The following GARRE1 variants were observed in gnomAD, a reference collection of about 807,000 sequenced individuals.
GARRE1 encodes granule associated Rac and RHOG effector protein 1.
In GARRE1, 49 loss-of-function variants were observed where a neutral mutation model predicts 103.2. The observed-to-expected ratio is 0.47, with a 90% CI of 0.38 to 0.60. The LOEUF (loss-of-function observed/expected upper bound fraction) is 0.60, where lower values mean the gene tolerates loss of function less well. GARRE1 is among the 20% of genes least tolerant of loss of function. GARRE1 has a pLI of 0.00. For synonymous variants in GARRE1, 505 were observed against 532.8 expected (o/e 0.95, Z 0.72); for missense variants, 1,199 against 1,370.5 (o/e 0.87, Z 1.98).
intron 1 of GARRE1, among the ~76,000 whole-genome samples, chr19:34,299,141 G>T (rs1030088483): frequency 6.6e-6 from 1 of 152,180 alleles, no homozygotes; most frequent in Admixed American, 6.5e-5. Context: ...TGCCGTGGTG[G>T]TCCTTTACCT....
At chr19:34,348,342 G>A (rs184227858) in intron 11 of GARRE1, 36 of 260,360 alleles carry the variant, frequency 1.4e-4, no homozygotes, top group Non-Finnish European at 1.5e-4. Flanking sequence ...TGAGGTGAAG[G>A]CATGTTTCAC....
chr19:34,319,932 T>C lies in GARRE1; in HGVS notation c.521T>C (p.Val174Ala). Residue 174 changes from valine (V) to alanine (A), a missense_variant, in exon 3 of 14, where the codon GTG (valine) becomes GCG (alanine). Transcript: ENST00000299505. Reference sequence around the variant, plus strand: ...GTGTTGGGGCGATGTTTCCTGACTGTGGTGCAAGTCCATTTCCAGTTTTTG... The same window carrying C: ...GTGTTGGGGCGATGTTTCCTGACTGCGGTGCAAGTCCATTTCCAGTTTTTG... ...IEVLGRCFLTVVQVHFQFLTH... is the reference protein window; with the variant it reads ...IEVLGRCFLTAVQVHFQFLTH... 2 of 1,614,246 alleles carry C rather than the reference T, an allele frequency of 1.2e-6. No homozygotes were observed. Among genetic ancestry groups the C allele is most frequent in the Non-Finnish European group, 1.7e-6 (2 of 1,180,046 alleles).
At chr19:34,308,335 C>G (rs553320302) in intron 2 of GARRE1, among the ~76,000 whole-genome samples, 2 of 135,842 alleles carry the variant, frequency 1.5e-5, no homozygotes, top group African/African-American at 5.6e-5. Flanking sequence ...GTAAATATTT[C>G]CTAATGGTAT....
At position 34,255,208 on chromosome 19, in the gene GARRE1, G is replaced by A. The variant is rs1273046651; in HGVS notation, c.-796+594G>A. On this transcript the variant is annotated intron_variant, in intron 1 of 13. Coordinates refer to ENST00000299505, the MANE Select transcript of GARRE1 (RefSeq NM_014686.5). ...GGGAGGGTCCGCGGGGACCGGGAGG[G>A]CCGGGGCTGAGCGTGGAGGACCCGA... Among the ~76,000 whole-genome samples, 19 of 152,350 alleles carry A rather than the reference G, an allele frequency of 1.2e-4. No homozygotes were observed. The East Asian group carries it at 3.5e-3, about 28-fold the overall frequency.
At chr19:34,294,629 G>GT (rs35503573) in intron 1 of GARRE1, among the ~76,000 whole-genome samples, 97,839 of 151,818 alleles carry the variant, frequency 0.64, 32,107 homozygotes, top group Admixed American at 0.72. Flanking sequence ...TTCTATTGTT[G>GT]TTTTTTCCCT....
intron 13 of GARRE1, 126 bp from the exon 14 acceptor site, chr19:34,352,521 G>C: frequency 1.3e-6 from 1 of 744,192 alleles, no homozygotes; most frequent in Non-Finnish European, 2.3e-6. Flanking sequence ...TGTTGGACAG[G>C]GGTGTGGGAG....
At chr19:34,277,428 A>G (rs1351185203) in intron 1 of GARRE1, among the ~76,000 whole-genome samples, 1 of 152,226 alleles carries the variant, frequency 6.6e-6, no homozygotes, top group African/African-American at 2.4e-5. Context: ...TTACTTATGA[A>G]CAATACGTTT....
intron 1 of GARRE1, among the ~76,000 whole-genome samples, chr19:34,292,460 A>G (rs1005943101): frequency 2.6e-5 from 4 of 152,312 alleles, no homozygotes; most frequent in Admixed American, 2.0e-4. Context: ...TTGTTTGGAC[A>G]TATTTCTTCG....
chr19:34,293,528 T>C (rs543554923), intron 1 of GARRE1, among the ~76,000 whole-genome samples: 1 of 151,794 alleles, frequency 6.6e-6, no homozygotes, highest in African/African-American at 2.4e-5. Flanking sequence ...CCCGAGTAGC[T>C]GGGACCACAG....
At chr19:34,346,161 T>C (rs2074210046) in intron 10 of GARRE1, among the ~76,000 whole-genome samples, 1 of 152,202 alleles carries the variant, frequency 6.6e-6, no homozygotes, top group South Asian at 2.1e-4. Flanking sequence ...TAAGGATAAG[T>C]TGATAATGGG....
chr19:34,334,854 G>C (rs562073699), intron 8 of GARRE1, among the ~76,000 whole-genome samples: 178 of 152,272 alleles, frequency 1.2e-3, no homozygotes, highest in Middle Eastern at 3.4e-3. Flanking sequence ...AGGAGTTCCA[G>C]ACCAGCCTGG....
At chr19:34,273,147 A>G (rs1022093512) in intron 1 of GARRE1, among the ~76,000 whole-genome samples, 1 of 152,214 alleles carries the variant, frequency 6.6e-6, no homozygotes, top group African/African-American at 2.4e-5. Context: ...GATTGCAGTG[A>G]GCCGAGATTG....
chr19:34,279,632 T>G (rs2073838788), intron 1 of GARRE1, among the ~76,000 whole-genome samples: 1 of 152,214 alleles, frequency 6.6e-6, no homozygotes, highest in South Asian at 2.1e-4. Context: ...TCCCTAGTTG[T>G]ACTGTCTGTT....
At chr19:34,338,187 G>A (rs2074169460) in intron 8 of GARRE1, among the ~76,000 whole-genome samples, 1 of 152,174 alleles carries the variant, frequency 6.6e-6, no homozygotes. Context: ...CCCAGGATCT[G>A]GCAGACATCA....
At chr19:34,257,380 G>A (rs1429417500) in intron 1 of GARRE1, among the ~76,000 whole-genome samples, 3 of 151,796 alleles carry the variant, frequency 2.0e-5, no homozygotes, top group African/African-American at 7.3e-5. Flanking sequence ...CTCTGTCCCC[G>A]AGGCTGGAGT....
At position 34,352,981 on chromosome 19, in the gene GARRE1, T is replaced by A; in HGVS notation, c.*26T>A. The A allele has an allele frequency of 6.7e-7, 1 of 1,483,986 alleles. No individual in the cohort carries two copies. Among genetic ancestry groups the A allele is most frequent in the Non-Finnish European group, 9.0e-7 (1 of 1,110,116 alleles). 91.9% of individuals were successfully genotyped at this position (1,483,986 alleles called of 1,614,324 possible). On this transcript the variant is annotated 3_prime_UTR_variant, in exon 14 of 14. Coordinates refer to ENST00000299505, the MANE Select transcript of GARRE1 (RefSeq NM_014686.5). ...CCCCAGGCCAGCCAGCCTGCCTGCC[T>A]GCCTGCCTGCCCGCCCAGAGCTGTG...
chr19:34,349,236 GCCC>G, intron 12 of GARRE1, 83 bp downstream of exon 12: 1 of 1,411,434 alleles, frequency 7.1e-7, no homozygotes, highest in South Asian at 1.2e-5. Context: ...AAAGCCAGGA[GCCC>G]AGTCACCTCC....
rs1453501531 is a variant in GARRE1 at position 34,334,860 on chromosome 19, C to A, written c.1361+1059C>A. Among the ~76,000 whole-genome samples, 10 of 152,088 alleles carry A rather than the reference C, an allele frequency of 6.6e-5. No individual in the cohort carries two copies. The East Asian group carries it at 1.9e-3, about 29-fold the overall frequency. On this transcript the variant is annotated intron_variant, in intron 8 of 13. Coordinates refer to ENST00000299505, the MANE Select transcript of GARRE1 (RefSeq NM_014686.5). ...CCTGAGGTCAGGAGTTCCAGACCAG[C>A]CTGGCCAACATGGTGAAACCCTGTC...
At chr19:34,316,933 C>A (rs2074062734) in intron 2 of GARRE1, among the ~76,000 whole-genome samples, 1 of 152,232 alleles carries the variant, frequency 6.6e-6, no homozygotes, top group Non-Finnish European at 1.5e-5. Context: ...TCTTCCCCCA[C>A]TCCTTCCTAC....
Sources: gnomAD v4.1 joint callset for allele counts (sites outside exome capture counted in the v4.1 genomes callset) on GRCh38, gnomAD v4.1.1 for gene constraint, MANE v1.5 for transcripts, NCBI Gene and HGNC (gene_info 2026-07-23, HGNC 2026-07-21) for gene names.